NR2C2: variants seen among roughly 807,000 people sequenced by gnomAD.
The protein encoded by NR2C2 is nuclear receptor subfamily 2 group C member 2.
NR2C2 carries 6 observed loss-of-function variants against 62.9 expected under a neutral mutation model. The ratio of observed to expected loss-of-function variants is 0.10; its 90% confidence interval spans 0.05 to 0.19. The LOEUF (loss-of-function observed/expected upper bound fraction) is 0.19. Ranked by LOEUF, NR2C2 falls within the 10% of genes least tolerant of loss-of-function variation. NR2C2 has a pLI of 1.00. For synonymous variants in NR2C2, 272 were observed against 273.8 expected (o/e 0.99, Z 0.07); for missense variants, 479 against 762.7 (o/e 0.63, Z 4.38).
Position 15,018,361 on chromosome 3 carries a change from C to T in NR2C2, c.376+2107C>T, listed in dbSNP as rs115433177. Among the ~76,000 whole-genome samples, 226 of 152,236 alleles carry T rather than the reference C, an allele frequency of 1.5e-3. 1 individual carries two copies. Among genetic ancestry groups the T allele is most frequent in the African/African-American group, 4.9e-3 (205 of 41,532 alleles). Reference sequence around the variant, plus strand: ...GATACCATGCAAACTGTACACCTGACAAAGGGTTACTACCCAGAACATATA... The same window carrying T: ...GATACCATGCAAACTGTACACCTGATAAAGGGTTACTACCCAGAACATATA... On this transcript the variant is annotated intron_variant, in intron 4 of 13. Coordinates refer to ENST00000425241, the MANE Select transcript of NR2C2 (RefSeq NM_001291694.2).
chr3:14,988,015 T>G (rs1423260329), intron 1 of NR2C2, among the ~76,000 whole-genome samples: 1 of 152,250 alleles, frequency 6.6e-6, no homozygotes, highest in African/African-American at 2.4e-5. Flanking sequence ...ACATATAAAT[T>G]GCTTTTGATC....
At chr3:15,018,764 C>T (rs75599634) in intron 4 of NR2C2, among the ~76,000 whole-genome samples, 2 of 151,940 alleles carry the variant, frequency 1.3e-5, no homozygotes, top group Non-Finnish European at 2.9e-5. Context: ...CATCTGTAAT[C>T]CCAGCACTTT....
chr3:14,989,903 G>A (rs368897741), intron 1 of NR2C2, among the ~76,000 whole-genome samples: 170 of 121,122 alleles, frequency 1.4e-3, no homozygotes, highest in African/African-American at 4.9e-3. Context: ...CAGCCTGGGC[G>A]ACAAGAGCAA....
At position 15,023,236 on chromosome 3, in the gene NR2C2, G is replaced by A. The variant is rs1415360171; in HGVS notation, c.593G>A (p.Arg198Gln). The change falls in exon 6 of 14, where the codon CGG (arginine) becomes CAG (glutamine). Residue 198 changes from arginine to glutamine, a missense_variant. Physicochemically the swap from Arg to Gln is conservative, Grantham distance 43 (BLOSUM62 1). Around this residue, in one of 4 missense-constraint regions of NR2C2, gnomAD observed 51 missense variants for 137.5 expected, o/e 0.37. Transcript: ENST00000425241. ...QSERKPFDVQREKPSNCAAST... is the reference protein window; with the variant it reads ...QSERKPFDVQQEKPSNCAAST... ...GAACGGAAGCCCTTCGATGTGCAACGGGAGAAACCAAGCAATTGTGCTGCT... is the reference window on the plus strand; with the variant it reads ...GAACGGAAGCCCTTCGATGTGCAACAGGAGAAACCAAGCAATTGTGCTGCT... 1 of 1,614,164 alleles carries A rather than the reference G, an allele frequency of 6.2e-7. No individual in the cohort carries two copies. Among genetic ancestry groups the A allele is most frequent in the South Asian group, 1.1e-5 (1 of 91,084 alleles).
chr3:14,966,528 AG>A (rs1282384021), intron 1 of NR2C2, among the ~76,000 whole-genome samples: 1 of 152,240 alleles, frequency 6.6e-6, no homozygotes, highest in African/African-American at 2.4e-5. Flanking sequence ...TCAAGACTAC[AG>A]TGAGCTATGA....
chr3:15,031,440 A>G (rs1216365813), intron 9 of NR2C2, among the ~76,000 whole-genome samples: 1 of 151,804 alleles, frequency 6.6e-6, no homozygotes, highest in Non-Finnish European at 1.5e-5. Context: ...TGTAACCTCA[A>G]ACTCCTGGTC....
intron 2 of NR2C2, among the ~76,000 whole-genome samples, chr3:15,005,823 G>GT (rs2041157943): frequency 1.3e-5 from 2 of 151,796 alleles, no homozygotes; most frequent in African/African-American, 4.8e-5. Context: ...TAAGGGTCTT[G>GT]TTTTTTTACC....
intron 3 of NR2C2, 133 bp from the exon 4 acceptor site, chr3:15,016,019 C>T: frequency 3.1e-6 from 2 of 639,224 alleles, no homozygotes; most frequent in Non-Finnish European, 5.7e-6. Flanking sequence ...TCAGGCTGGT[C>T]TCGAACTCCC....
chr3:14,973,464 G>A (rs552318848), intron 1 of NR2C2, among the ~76,000 whole-genome samples: 2 of 152,072 alleles, frequency 1.3e-5, no homozygotes, highest in Non-Finnish European at 2.9e-5. Flanking sequence ...GAACTCCTGG[G>A]CTCAAGCAGT....
At chr3:14,973,247 G>T (rs2040102373) in intron 1 of NR2C2, among the ~76,000 whole-genome samples, 1 of 150,758 alleles carries the variant, frequency 6.6e-6, no homozygotes, top group Non-Finnish European at 1.5e-5. Flanking sequence ...TTTTTTTTTG[G>T]CAGGGTCTTG....
At chr3:14,967,512 T>G (rs2039891938) in intron 1 of NR2C2, among the ~76,000 whole-genome samples, 1 of 152,038 alleles carries the variant, frequency 6.6e-6, no homozygotes, top group South Asian at 2.1e-4. Flanking sequence ...AACAATGAAA[T>G]GACTGTGAAA....
chr3:14,988,834 A>G (rs2040582903), intron 1 of NR2C2, among the ~76,000 whole-genome samples: 1 of 151,960 alleles, frequency 6.6e-6, no homozygotes, highest in Admixed American at 6.6e-5. Context: ...TGGTGAATTT[A>G]TTTCACCATA....
intron 1 of NR2C2, among the ~76,000 whole-genome samples, chr3:14,994,046 A>G (rs969919627): frequency 1.3e-4 from 20 of 152,218 alleles, no homozygotes; most frequent in Admixed American, 1.3e-3. Context: ...CATGGCACAG[A>G]GTAAGTGCTT....
At chr3:14,966,171 T>G (rs1346650166) in intron 1 of NR2C2, among the ~76,000 whole-genome samples, 2 of 152,228 alleles carry the variant, frequency 1.3e-5, no homozygotes, top group Non-Finnish European at 2.9e-5. Flanking sequence ...TAGTCAGTTT[T>G]GGATAATTGT....
chr3:14,969,825 A>G (rs1039906156), intron 1 of NR2C2, among the ~76,000 whole-genome samples: 15 of 152,180 alleles, frequency 9.9e-5, no homozygotes, highest in Admixed American at 6.5e-4. Context: ...CAGGATTTAC[A>G]TCATTATTGC....
At chr3:14,999,185 T>C (rs1234296245) in intron 1 of NR2C2, among the ~76,000 whole-genome samples, 1 of 152,080 alleles carries the variant, frequency 6.6e-6, no homozygotes, top group African/African-American at 2.4e-5. Flanking sequence ...GTGTGGTGGC[T>C]CATGCCTATA....
intron 13 of NR2C2, among the ~76,000 whole-genome samples, chr3:15,041,503 C>T (rs1386441914): frequency 6.6e-6 from 1 of 152,126 alleles, no homozygotes. Context: ...AGTATTCACT[C>T]TAGAAAAATT....
chr3:14,998,551 T>C (rs1463485949), intron 1 of NR2C2, among the ~76,000 whole-genome samples: 1 of 152,338 alleles, frequency 6.6e-6, no homozygotes, highest in Non-Finnish European at 1.5e-5. Flanking sequence ...TTATTGGCCA[T>C]TTGTATATCT....
chr3:14,990,979 TCTGC>T (rs1428320752), intron 1 of NR2C2, among the ~76,000 whole-genome samples: 1 of 152,242 alleles, frequency 6.6e-6, no homozygotes, highest in Non-Finnish European at 1.5e-5. Context: ...GGCAGGTTAC[TCTGC>T]CTGTGAACAG....
Sources: gnomAD v4.1 joint callset for allele counts (sites outside exome capture counted in the v4.1 genomes callset) on GRCh38, gnomAD v4.1.1 for gene constraint, gnomAD v4.1.1 regional missense constraint, MANE v1.5 for transcripts, NCBI Gene and HGNC (gene_info 2026-07-23, HGNC 2026-07-21) for gene names.